GRK4: variants seen among roughly 807,000 people sequenced by gnomAD.
GRK4 encodes G protein-coupled receptor kinase 4.
A neutral mutation model predicts 77.9 loss-of-function variants in GRK4; 73 were observed. The ratio of observed to expected loss-of-function variants is 0.94; its 90% CI spans 0.78 to 1.14. The LOEUF (loss-of-function observed/expected upper bound fraction) is 1.14. Among genes scored for constraint, GRK4 ranks in the 50% most tolerant of loss-of-function variants. GRK4 has a pLI of 0.00. For synonymous variants in GRK4, 257 were observed against 254.4 expected, an observed-to-expected ratio of 1.01 and a Z score of -0.10; for missense variants, 729 against 700.2, an observed-to-expected ratio of 1.04 and a Z score of -0.46.
At chr4:3,007,575 G>A (rs58966302) in intron 5 of GRK4, among the ~76,000 whole-genome samples, 161 bp from the exon 6 acceptor site, 2,487 of 152,250 alleles carry the variant, frequency 0.016, 60 homozygotes, top group African/African-American at 0.057. Flanking sequence ...CACTTATAGC[G>A]TTAGAACCTA....
In GRK4 at chr4:2,963,586, C is replaced by T. The variant is rs989773219; in HGVS notation, c.-485C>T. On this transcript the variant is annotated 5_prime_UTR_variant, in exon 1 of 16. Coordinates refer to ENST00000398052, the MANE Select transcript of GRK4 (RefSeq NM_182982.3). The stretch of plus-strand genomic sequence containing the variant: ...TCTGGGAGCTGTAGTGCCCCGGCCG[C>T]GGCGGCGAGGGGCGCTCCCTCTTCA... 2.2e-6 allele frequency: 1 copy of T among 452,304 alleles called. No individual in the cohort carries two copies. The highest frequency in any genetic ancestry group is 3.9e-6 in the Non-Finnish European group (1 of 259,524). The allele number at this position is 452,304 out of a possible 1,614,324, so 28.0% of individuals were successfully genotyped here.
chr4:3,013,665 C>CT (rs762319249), intron 7 of GRK4, 23 bp from the exon 8 acceptor site: 16 of 1,590,794 alleles, frequency 1.0e-5, no homozygotes, highest in Middle Eastern at 1.7e-4. Context: ...CATAAACCTC[C>CT]TTTATTTTGC....
intron 4 of GRK4, among the ~76,000 whole-genome samples, chr4:2,996,578 A>C (rs1355959318): frequency 6.6e-6 from 1 of 152,090 alleles, no homozygotes; most frequent in African/African-American, 2.4e-5. Context: ...ATGCCTCTTA[A>C]TGGTCCTACC....
chr4:2,974,814 G>T (rs1170101863), intron 1 of GRK4, among the ~76,000 whole-genome samples: 1 of 152,162 alleles, frequency 6.6e-6, no homozygotes, highest in Non-Finnish European at 1.5e-5. Flanking sequence ...TCTGTCACAT[G>T]GCCACTTTTA....
chr4:2,997,658 C>G (rs929457419), intron 4 of GRK4, among the ~76,000 whole-genome samples: 17 of 152,226 alleles, frequency 1.1e-4, no homozygotes, highest in Middle Eastern at 6.8e-3. Flanking sequence ...ACCTGTAATT[C>G]CAGCACTTTG....
At chr4:3,001,213 ATATATATGTATATATGTGTATGTG>A (rs1729594874) in intron 4 of GRK4, among the ~76,000 whole-genome samples, 2 of 143,678 alleles carry the variant, frequency 1.4e-5, no homozygotes, top group East Asian at 3.9e-4. Context: ...GTGTATGTGT[ATATATATGTATATATGTGTATGTG>A]TATATATATA....
intron 1 of GRK4, among the ~76,000 whole-genome samples, chr4:2,974,366 A>T (rs1023319357): frequency 2.0e-5 from 3 of 152,230 alleles, no homozygotes; most frequent in Non-Finnish European, 4.4e-5. Context: ...TGTTGAATGA[A>T]TGAATGAATG....
At chr4:2,992,361 T>A in intron 4 of GRK4, 69 bp downstream of exon 4, 1 of 1,043,384 alleles carries the variant, frequency 9.6e-7, no homozygotes, top group Non-Finnish European at 1.5e-6. Context: ...TTTTACTTTG[T>A]TAGATAAGAC....
chr4:2,973,887 C>T (rs73792112), intron 1 of GRK4, among the ~76,000 whole-genome samples: 1,549 of 152,288 alleles, frequency 0.01, 29 homozygotes, highest in African/African-American at 0.036. Context: ...GCCTTAAGAC[C>T]GCCGCCCCAA....
At chr4:3,030,531 G>A (rs1391050851) in intron 12 of GRK4, among the ~76,000 whole-genome samples, 3 of 152,048 alleles carry the variant, frequency 2.0e-5, no homozygotes, top group Non-Finnish European at 2.9e-5. Context: ...AGAAGTCCCC[G>A]CCCTGCCAGC....
At chr4:3,003,490 G>A (rs1043316391) in intron 4 of GRK4, among the ~76,000 whole-genome samples, 15 of 151,452 alleles carry the variant, frequency 9.9e-5, no homozygotes, top group Admixed American at 3.3e-4. Flanking sequence ...CATGCCGGCC[G>A]TGACTGGCTT....
rs1286141647 is a variant in GRK4 at position 2,964,178 on chromosome 4, G to A, written c.52+56G>A. On this transcript the variant is annotated intron_variant, in intron 1 of 15. Coordinates refer to ENST00000398052, the MANE Select transcript of GRK4 (RefSeq NM_182982.3). ...CCCCCAGAGAACCCCGAATCCCGGGGAACCCTGGCCCCCCTGAAGGAACCC... is the reference window on the plus strand; with the variant it reads ...CCCCCAGAGAACCCCGAATCCCGGGAAACCCTGGCCCCCCTGAAGGAACCC... 1.5e-5 allele frequency: 22 copies of A among 1,447,876 alleles called. No homozygotes were observed. In the East Asian group the frequency reaches 4.0e-4, roughly 26 times the overall value. 89.7% of individuals were successfully genotyped at this position (1,447,876 alleles called of 1,614,324 possible). A position where few individuals can be genotyped will look rare whatever the true frequency, so the allele number is the denominator to read the frequency against.
Position 3,038,293 on chromosome 4 carries a change from G to A in GRK4, c.1546-83G>A. 5.8e-6 allele frequency: 9 copies of A among 1,561,080 alleles called. No homozygotes were observed. In the South Asian group the frequency reaches 6.9e-5, roughly 12 times the overall value. On this transcript the variant is annotated intron_variant, in intron 14 of 15. Transcript: ENST00000398052. ...TCTGAGGTGCCCCGCACGGGGCTGG[G>A]CAGGAGCTGCTGGCACTGGGAGACA...
chr4:3,037,584 CGTGT>C, intron 14 of GRK4, 73 bp downstream of exon 14: 13 of 1,441,618 alleles, frequency 9.0e-6, no homozygotes, highest in Admixed American at 1.8e-5. Context: ...TGTGTGTGTC[CGTGT>C]GTGTGTGTGT....
At chr4:2,967,344 G>A (rs17778731) in intron 1 of GRK4, among the ~76,000 whole-genome samples, 1 of 152,158 alleles carries the variant, frequency 6.6e-6, no homozygotes, top group Non-Finnish European at 1.5e-5. Context: ...GTGTTTGTGT[G>A]TCACTCTGCC....
intron 10 of GRK4, 70 bp from the exon 11 acceptor site, chr4:3,027,842 C>T: frequency 7.7e-7 from 1 of 1,301,930 alleles, no homozygotes; most frequent in Non-Finnish European, 1.1e-6. Context: ...GCCTTTTTTC[C>T]CATTTTAATT....
At chr4:2,996,737 C>G (rs1391865563) in intron 4 of GRK4, among the ~76,000 whole-genome samples, 1 of 143,818 alleles carries the variant, frequency 7.0e-6, no homozygotes, top group African/African-American at 2.6e-5. Flanking sequence ...TTTTTCTTTT[C>G]TTACCATCAA....
At chr4:2,964,204 G>A in intron 1 of GRK4, 82 bp downstream of exon 1, 1 of 975,440 alleles carries the variant, frequency 1.0e-6, no homozygotes, top group East Asian at 3.9e-5. Context: ...GAAGGAACCC[G>A]ACATCCCCGG....
chr4:2,997,631 C>T lies in GRK4; in HGVS notation c.339+5339C>T, dbSNP rs551500953. Among the ~76,000 whole-genome samples the T allele has an allele frequency of 5.3e-5, 8 of 152,160 alleles. No homozygotes were observed. The South Asian group carries it at 6.2e-4, about 12-fold the overall frequency. On this transcript the variant is annotated intron_variant, in intron 4 of 15. Transcript: ENST00000398052. ...CATACTTAAATGTGAAAGACTAGGC[C>T]GGGTGTGGTGGTGTTCACCTGTAAT...
Sources: gnomAD v4.1 joint callset for allele counts (sites outside exome capture counted in the v4.1 genomes callset) on GRCh38, gnomAD v4.1.1 for gene constraint, MANE v1.5 for transcripts, NCBI Gene and HGNC (gene_info 2026-07-23, HGNC 2026-07-21) for gene names.